Variants in ARHGEF10L observed in about 807,000 individuals in gnomAD.
The protein encoded by ARHGEF10L is Rho guanine nucleotide exchange factor 10 like, also known as rho guanine nucleotide exchange factor 10-like protein.
In ARHGEF10L, 69 loss-of-function variants were observed where a neutral mutation model predicts 141.2. The observed-to-expected ratio is 0.49, with a 90% CI of 0.40 to 0.60. ARHGEF10L has a LOEUF of 0.60. Among genes scored for constraint, ARHGEF10L ranks in the 20% least tolerant of loss-of-function variants. The probability of loss-of-function intolerance (pLI) is 0.00; values close to 1 mark genes in which losing one functional copy is unlikely to be tolerated. For missense variants in ARHGEF10L, 1,482 were observed against 1,734.3 expected (o/e 0.85, Z 2.58); for synonymous variants, 711 against 718.5 (o/e 0.99, Z 0.17).
chr1:17,612,484 AT>A (rs1305039698), intron 7 of ARHGEF10L, among the ~76,000 whole-genome samples: 1 of 151,798 alleles, frequency 6.6e-6, no homozygotes, highest in South Asian at 2.1e-4. Flanking sequence ...TCATCCATCC[AT>A]CCCTCTATGA....
intron 27 of ARHGEF10L, chr1:17,691,313 G>A (rs1489902273): frequency 1.0e-5 from 3 of 286,142 alleles, no homozygotes; most frequent in African/African-American, 4.7e-5. Context: ...TGGAGGGGGA[G>A]GGGGAAGGCC....
intron 1 of ARHGEF10L, among the ~76,000 whole-genome samples, chr1:17,572,232 C>T (rs189594460): frequency 2.8e-4 from 42 of 152,340 alleles, no homozygotes; most frequent in African/African-American, 8.9e-4. Flanking sequence ...CAGAGGAGAA[C>T]GCCTTGTACT....
chr1:17,693,834 C>T lies in ARHGEF10L; in HGVS notation c.3185-1324C>T, dbSNP rs140670730. On this transcript the variant is annotated intron_variant, in intron 27 of 28. Coordinates refer to ENST00000361221, the MANE Select transcript of ARHGEF10L (RefSeq NM_018125.4). ...TCTGGAATGCAGCCTAAGCCTCTCC[C>T]AGAGGGCAGCAGGATCAGGGCAAGA... is the stretch of plus-strand genomic sequence containing the variant. Among the ~76,000 whole-genome samples, 11 of 152,342 alleles carry T rather than the reference C, an allele frequency of 7.2e-5. No homozygotes were observed. In the East Asian group the frequency reaches 2.1e-3, roughly 29 times the overall value.
At chr1:17,557,405 C>T (rs989851224) in intron 1 of ARHGEF10L, among the ~76,000 whole-genome samples, 2 of 152,128 alleles carry the variant, frequency 1.3e-5, no homozygotes, top group Non-Finnish European at 2.9e-5. Context: ...ACATGCTAAC[C>T]TTTTGGGGTT....
intron 26 of ARHGEF10L, among the ~76,000 whole-genome samples, chr1:17,685,606 C>T (rs953838389): frequency 1.4e-4 from 22 of 152,244 alleles, no homozygotes; most frequent in Admixed American, 7.8e-4. Flanking sequence ...GTTTTAATTG[C>T]CTCCTGTCCT....
chr1:17,598,488 C>T (rs1471482315), intron 4 of ARHGEF10L, among the ~76,000 whole-genome samples: 1 of 152,162 alleles, frequency 6.6e-6, no homozygotes, highest in Admixed American at 6.5e-5. Context: ...GGGCTCATTT[C>T]CTGATCATAG....
chr1:17,697,388 C>T lies in ARHGEF10L; in HGVS notation c.*8C>T. On this transcript the variant is annotated 3_prime_UTR_variant, in exon 29 of 29. Coordinates refer to ENST00000361221, the MANE Select transcript of ARHGEF10L (RefSeq NM_018125.4). This position sits in a 1 kb window ranked among gnomAD's most constrained non-coding sequence, Gnocchi z 4.8. ...GTGCCCTTGATGCTATAGCGCCTCC[C>T]CTCTCCCCTCAGAGGGCACAGCTGC... 2 of 1,574,936 alleles carry T rather than the reference C, an allele frequency of 1.3e-6. No homozygotes were observed. Among genetic ancestry groups the T allele is most frequent in the South Asian group, 2.4e-5 (2 of 85,016 alleles).
chr1:17,516,903 TG>T, the ARHGEF10L span, among the ~76,000 whole-genome samples: 13 of 152,314 alleles, frequency 8.5e-5, no homozygotes, highest in East Asian at 2.5e-3. Context: ...GCTCTCACAG[TG>T]GCAGAAGGCT....
chr1:17,520,819 C>T, the ARHGEF10L span, among the ~76,000 whole-genome samples: 1 of 152,282 alleles, frequency 6.6e-6, no homozygotes, highest in Non-Finnish European at 1.5e-5. Context: ...GAGATGGCTT[C>T]AGTTCAATGG....
Position 17,615,936 on chromosome 1 carries a change from AC to A in ARHGEF10L, c.727-153del. ...TCCCCGGGCATGAACGCACCTTCTC[AC>A]CCCCACTGTCGTCCTTGGCCTTTGC... On this transcript the variant is annotated intron_variant, in intron 8 of 28. Coordinates refer to ENST00000361221, the MANE Select transcript of ARHGEF10L (RefSeq NM_018125.4). The surrounding 1 kb of genome is among the most constrained non-coding windows in gnomAD (Gnocchi z 4.7). 1 of 640,352 alleles carries A rather than the reference AC, an allele frequency of 1.6e-6. No homozygotes were observed. Among genetic ancestry groups the A allele is most frequent in the Non-Finnish European group, 2.8e-6 (1 of 351,254 alleles). 39.7% of individuals were successfully genotyped at this position (640,352 alleles called of 1,614,324 possible).
intron 20 of ARHGEF10L, 70 bp from the exon 21 acceptor site, chr1:17,640,132 A>G (rs1224159598): frequency 1.3e-6 from 2 of 1,546,740 alleles, no homozygotes; most frequent in African/African-American, 1.4e-5. Flanking sequence ...AGGAAGTACT[A>G]CGTGACAGCT....
chr1:17,651,660 G>A (rs939942198), intron 22 of ARHGEF10L, among the ~76,000 whole-genome samples: 6 of 152,266 alleles, frequency 3.9e-5, no homozygotes, highest in African/African-American at 4.8e-5. Flanking sequence ...CAGGGCCCAC[G>A]AACCTCCTCA....
intron 26 of ARHGEF10L, among the ~76,000 whole-genome samples, chr1:17,684,551 C>T (rs1276738923): frequency 1.3e-5 from 2 of 152,138 alleles, no homozygotes; most frequent in African/African-American, 2.4e-5. Context: ...AAGAGACCCC[C>T]GATACCTCTG....
chr1:17,589,652 G>A (rs148771486), intron 4 of ARHGEF10L, among the ~76,000 whole-genome samples: 108 of 152,294 alleles, frequency 7.1e-4, no homozygotes, highest in Non-Finnish European at 1.4e-3. Flanking sequence ...TAATTAAGGT[G>A]AGAATTAGAG....
intron 3 of ARHGEF10L, 26 bp downstream of exon 3, chr1:17,587,671 T>C (rs200535836): frequency 1.3e-6 from 2 of 1,590,912 alleles, no homozygotes; most frequent in Admixed American, 1.7e-5. Context: ...GAACTTCCGG[T>C]CCTGGGGCTA....
rs915125409 is a variant in ARHGEF10L at position 17,615,867 on chromosome 1, G to GA, written c.727-220dup. ...CTGCTCACATAGTCTGTCCTGAAAG[G>GA]AAAAAAATCGGTTACAGCCTCCTGT... On this transcript the variant is annotated intron_variant, in intron 8 of 28. Coordinates refer to ENST00000361221, the MANE Select transcript of ARHGEF10L (RefSeq NM_018125.4). This position sits in a 1 kb window ranked among gnomAD's most constrained non-coding sequence, Gnocchi z 4.7. 1.9e-5 allele frequency: 10 copies of GA among 524,478 alleles called. No individual in the cohort carries two copies. Among genetic ancestry groups the GA allele is most frequent in the African/African-American group, 9.6e-5 (5 of 52,292 alleles). The allele number at this position is 524,478 out of a possible 1,614,324, so 32.5% of individuals were successfully genotyped here. A position where few individuals can be genotyped will look rare whatever the true frequency, so the allele number is the denominator to read the frequency against.
At chr1:17,664,905 G>C (rs1216718441) in intron 26 of ARHGEF10L, among the ~76,000 whole-genome samples, 1 of 152,210 alleles carries the variant, frequency 6.6e-6, no homozygotes, top group African/African-American at 2.4e-5. Context: ...TGGTACCCAG[G>C]ACTTGTACCC....
chr1:17,671,574 CTGGAA>C (rs1430658267), intron 26 of ARHGEF10L, among the ~76,000 whole-genome samples: 3 of 152,342 alleles, frequency 2.0e-5, no homozygotes, highest in African/African-American at 7.2e-5. Context: ...TGGGTCCTTC[CTGGAA>C]AGTGCTGGAA....
intron 1 of ARHGEF10L, among the ~76,000 whole-genome samples, chr1:17,565,608 C>A (rs2077719893): frequency 1.3e-5 from 2 of 152,246 alleles, no homozygotes; most frequent in South Asian, 4.1e-4. Flanking sequence ...CCTTCCCCTT[C>A]TGGACCGCCA....
Sources: gnomAD v4.1 joint callset for allele counts (sites outside exome capture counted in the v4.1 genomes callset) on GRCh38, gnomAD v4.1.1 for gene constraint, Gnocchi (gnomAD v3.1) non-coding constraint, MANE v1.5 for transcripts, NCBI Gene and HGNC (gene_info 2026-07-23, HGNC 2026-07-21) for gene names.